TIMP2: variants seen among roughly 807,000 people sequenced by gnomAD.
The protein encoded by TIMP2 is metalloproteinase inhibitor 2.
In TIMP2, 5 loss-of-function variants were observed where a neutral mutation model predicts 24.3. The observed-to-expected ratio is 0.21, with a 90% CI of 0.11 to 0.43. The LOEUF (loss-of-function observed/expected upper bound fraction) is 0.43. Among genes scored for constraint, TIMP2 ranks in the 20% least tolerant of loss-of-function variants. The probability of loss-of-function intolerance (pLI) is 1.00; values close to 1 mark genes in which losing one functional copy is unlikely to be tolerated. For missense variants in TIMP2, 221 were observed against 297.5 expected (o/e 0.74, Z 1.89); for synonymous variants, 130 against 123.2 (o/e 1.06, Z -0.37).
At chr17:78,911,140 G>A (rs1054860497) in intron 1 of TIMP2, among the ~76,000 whole-genome samples, 13 of 152,200 alleles carry the variant, frequency 8.5e-5, no homozygotes, top group Middle Eastern at 3.4e-3. Context: ...ATCTGTCCCC[G>A]TCCCTTGAAC....
intron 1 of TIMP2, among the ~76,000 whole-genome samples, chr17:78,879,335 T>C (rs554594745): frequency 6.6e-6 from 1 of 151,974 alleles, no homozygotes; most frequent in Admixed American, 6.5e-5. Flanking sequence ...ACCAGTTCTG[T>C]AGGGGAAAGC....
Position 78,896,876 on chromosome 17 carries a change from C to A in TIMP2, c.131-22957G>T, listed in dbSNP as rs138913769. ...AGCCCATGGCAGCTCCACCCCAGACCGATCCGATCCCAGCACCTGGGCCCA... is the reference window on the plus strand; with the variant it reads ...AGCCCATGGCAGCTCCACCCCAGACAGATCCGATCCCAGCACCTGGGCCCA... On this transcript the variant is annotated intron_variant, in intron 1 of 4. Transcript: ENST00000262768. The surrounding 1 kb of genome is among the most constrained non-coding windows in gnomAD (Gnocchi z 4.4). 2.0e-6 allele frequency: 2 copies of A among 975,870 alleles called. No individual in the cohort carries two copies. Among genetic ancestry groups the A allele is most frequent in the African/African-American group, 3.5e-5 (2 of 56,972 alleles). 60.5% of individuals were successfully genotyped at this position (975,870 alleles called of 1,614,324 possible). A position where few individuals can be genotyped will look rare whatever the true frequency, so the allele number is the denominator to read the frequency against.
At chr17:78,879,249 G>A (rs568165852) in intron 1 of TIMP2, among the ~76,000 whole-genome samples, 4 of 152,330 alleles carry the variant, frequency 2.6e-5, no homozygotes, top group East Asian at 3.9e-4. Context: ...GGACAGAGGA[G>A]GAGGGAGAGA....
chr17:78,908,207 C>A (rs1377064172), intron 1 of TIMP2, among the ~76,000 whole-genome samples: 3 of 152,160 alleles, frequency 2.0e-5, no homozygotes, highest in African/African-American at 7.2e-5. Flanking sequence ...ATTTATTTAA[C>A]CACGCCCCTG....
At chr17:78,886,607 C>G (rs1387862031) in intron 1 of TIMP2, among the ~76,000 whole-genome samples, 1 of 152,166 alleles carries the variant, frequency 6.6e-6, no homozygotes, top group Non-Finnish European at 1.5e-5. Context: ...CTCCTGACCC[C>G]CAGTTTCCTT....
intron 1 of TIMP2, among the ~76,000 whole-genome samples, chr17:78,919,770 G>C (rs544838006): frequency 4.7e-4 from 72 of 152,240 alleles, no homozygotes; most frequent in African/African-American, 1.7e-3. Flanking sequence ...GGGAGGCGGA[G>C]CTTGCAGTGA....
rs2069513010 is a variant in TIMP2 at position 78,854,935 on chromosome 17, T to TGGGGGGGGGGGGGGGGGGGGGGG, written c.*731_*732insCCCCCCCCCCCCCCCCCCCCCCC. The TGGGGGGGGGGGGGGGGGGGGGGG allele has an allele frequency of 8.7e-5, 2 of 22,972 alleles. No homozygotes were observed. Among genetic ancestry groups the TGGGGGGGGGGGGGGGGGGGGGGG allele is most frequent in the African/African-American group, 1.8e-4 (1 of 5,642 alleles). 1.4% of individuals were successfully genotyped at this position (22,972 alleles called of 1,614,324 possible). On this transcript the variant is annotated 3_prime_UTR_variant, in exon 5 of 5. Coordinates refer to ENST00000262768, the MANE Select transcript of TIMP2 (RefSeq NM_003255.5). Reference sequence around the variant, plus strand: ...GAGCATGTGGGCGGGGGGGGGGGGGTGGGGGGGTGGGTGCAGACCAAAAAG... The same window carrying TGGGGGGGGGGGGGGGGGGGGGGG: ...GAGCATGTGGGCGGGGGGGGGGGGGTGGGGGGGGGGGGGGGGGGGGGGGGGGGGGGTGGGTGCAGACCAAAAAG...
At chr17:78,918,078 A>ACACACACACACACG (rs1555652981) in intron 1 of TIMP2, among the ~76,000 whole-genome samples, 27 of 149,144 alleles carry the variant, frequency 1.8e-4, no homozygotes, top group African/African-American at 6.5e-4. Flanking sequence ...ACACACACAC[A>ACACACACACACACG]CACACACACA....
At chr17:78,877,245 G>A (rs964649292) in intron 1 of TIMP2, among the ~76,000 whole-genome samples, 3 of 152,194 alleles carry the variant, frequency 2.0e-5, no homozygotes, top group Admixed American at 1.3e-4. Context: ...AGATTAACTT[G>A]GTCAAAGTTT....
intron 1 of TIMP2, among the ~76,000 whole-genome samples, chr17:78,916,335 C>T (rs2145795202): frequency 6.6e-6 from 1 of 152,322 alleles, no homozygotes; most frequent in South Asian, 2.1e-4. Flanking sequence ...CTCCCTTCCC[C>T]CTCAATGCTC....
chr17:78,861,933 G>C (rs2069570358), intron 3 of TIMP2, among the ~76,000 whole-genome samples: 1 of 152,152 alleles, frequency 6.6e-6, no homozygotes, highest in African/African-American at 2.4e-5. Flanking sequence ...AATGTGAAGA[G>C]AGGACCGCCT....
At chr17:78,909,928 C>T (rs907223880) in intron 1 of TIMP2, among the ~76,000 whole-genome samples, 6 of 152,092 alleles carry the variant, frequency 3.9e-5, no homozygotes, top group African/African-American at 7.2e-5. Context: ...GCGGAGTGTC[C>T]GTCTAGTACT....
intron 1 of TIMP2, among the ~76,000 whole-genome samples, chr17:78,881,371 G>A (rs947155635): frequency 6.6e-6 from 1 of 152,224 alleles, no homozygotes; most frequent in Non-Finnish European, 1.5e-5. Flanking sequence ...AGTCGGGTGG[G>A]GGCTTCACAC....
chr17:78,856,009 T>A, intron 4 of TIMP2, 145 bp from the exon 5 acceptor site: 1 of 813,618 alleles, frequency 1.2e-6, no homozygotes, highest in South Asian at 1.6e-5. Context: ...CCACGGTTCC[T>A]GCAGGGGCAG....
At chr17:78,872,377 T>A (rs189321498) in intron 2 of TIMP2, among the ~76,000 whole-genome samples, 1 of 152,148 alleles carries the variant, frequency 6.6e-6, no homozygotes, top group Admixed American at 6.6e-5. Context: ...CATAACTCCA[T>A]GGGCCAGAAG....
chr17:78,856,995 C>CT (rs906396450), intron 4 of TIMP2: 41 of 149,240 alleles, frequency 2.7e-4, no homozygotes, highest in South Asian at 6.4e-4. Flanking sequence ...ACATCTCCCT[C>CT]TTTTTTTTTT....
At chr17:78,861,045 A>AAG (rs1405611437) in intron 3 of TIMP2, among the ~76,000 whole-genome samples, 1 of 151,552 alleles carries the variant, frequency 6.6e-6, no homozygotes, top group African/African-American at 2.4e-5. Flanking sequence ...CAAAAAAAAA[A>AAG]AAAATCAAAA....
At chr17:78,889,812 G>A (rs1191674341) in intron 1 of TIMP2, among the ~76,000 whole-genome samples, 1 of 152,178 alleles carries the variant, frequency 6.6e-6, no homozygotes, top group Non-Finnish European at 1.5e-5. Flanking sequence ...TTTCCCAAAA[G>A]GGACTTCGTT....
At chr17:78,883,337 G>C (rs2069795328) in intron 1 of TIMP2, among the ~76,000 whole-genome samples, 1 of 152,216 alleles carries the variant, frequency 6.6e-6, no homozygotes, top group Non-Finnish European at 1.5e-5. Context: ...GAGGCCCCAG[G>C]TCCACCCTCA....
Sources: allele counts gnomAD v4.1 joint callset (sites outside exome capture counted in the v4.1 genomes callset), GRCh38; gene constraint gnomAD v4.1.1; non-coding constraint Gnocchi (gnomAD v3.1); transcripts MANE v1.5; gene names NCBI Gene and HGNC (gene_info 2026-07-23, HGNC 2026-07-21).